The following HINFP variants were observed in gnomAD, a reference collection of about 807,000 sequenced individuals.
HINFP encodes the protein MBD2 (methyl-CpG-binding protein)-interacting zinc finger protein.
A neutral mutation model predicts 50.1 loss-of-function variants in HINFP; 20 were observed. The observed-to-expected ratio is 0.40, with a 90% confidence interval of 0.28 to 0.58. The LOEUF (loss-of-function observed/expected upper bound fraction) is 0.58, where lower values mean the gene tolerates loss of function less well. HINFP is among the 20% of genes least tolerant of loss of function. HINFP has a pLI of 0.45. For synonymous variants in HINFP, 247 were observed against 243.7 expected (o/e 1.01, Z -0.13); for missense variants, 505 against 664.1 (o/e 0.76, Z 2.63).
At chr11:119,129,490 C>CTTTTTTTTCTTTTTTTTTTTTT (rs776476604) in intron 2 of HINFP, among the ~76,000 whole-genome samples, 16 of 124,186 alleles carry the variant, frequency 1.3e-4, no homozygotes, top group African/African-American at 4.9e-4. Context: ...TTTTTCTTTT[C>CTTTTTTTTCTTTTTTTTTTTTT]TTTTTTTTTT....
At chr11:119,122,930 C>G (rs1185939729) in intron 1 of HINFP, among the ~76,000 whole-genome samples, 2 of 152,020 alleles carry the variant, frequency 1.3e-5, no homozygotes, top group African/African-American at 4.8e-5. Context: ...TGGGACCAGC[C>G]TGACCAACAT....
In HINFP at chr11:119,133,317, A is replaced by C. The variant is rs1947886381; in HGVS notation, c.1139+98A>C. 9.5e-6 allele frequency: 14 copies of C among 1,467,154 alleles called. No individual in the cohort carries two copies. The South Asian group carries it at 1.0e-4, about 11-fold the overall frequency. The allele number at this position is 1,467,154 out of a possible 1,614,324, so 90.9% of individuals were successfully genotyped here. On this transcript the variant is annotated intron_variant, in intron 9 of 9. Transcript: ENST00000350777. ...TAATTTGGGTCGGGCGCGGTGGCTC[A>C]CGCCTGTAATCCCAGCACTTTGGGA...
In HINFP at chr11:119,131,348, C is replaced by G; in HGVS notation, c.412-187C>G. ...AAGTGATTCTCCTGCCTCAGCCTCT[C>G]AAAGTGCTGGGATTACAGGGTTTAG... On this transcript the variant is annotated intron_variant, in intron 3 of 9. Coordinates refer to ENST00000350777, the MANE Select transcript of HINFP (RefSeq NM_198971.3). The surrounding 1 kb of genome is among the most constrained non-coding windows in gnomAD (Gnocchi z 4.2). 1.6e-6 allele frequency: 1 copy of G among 611,488 alleles called. No individual in the cohort carries two copies. 37.9% of individuals were successfully genotyped at this position (611,488 alleles called of 1,614,324 possible). A position where few individuals can be genotyped will look rare whatever the true frequency, so the allele number is the denominator to read the frequency against.
At chr11:119,129,126 C>T (rs1947597248) in intron 2 of HINFP, among the ~76,000 whole-genome samples, 2 of 152,008 alleles carry the variant, frequency 1.3e-5, no homozygotes, top group East Asian at 1.9e-4. Context: ...TTGCAACCTC[C>T]GCCTCCCGGG....
chr11:119,129,134 G>A (rs190104302), intron 2 of HINFP, among the ~76,000 whole-genome samples: 5 of 151,878 alleles, frequency 3.3e-5, no homozygotes, highest in East Asian at 3.9e-4. Context: ...TCCGCCTCCC[G>A]GGTTCAAGTG....
intron 2 of HINFP, chr11:119,127,375 A>G (rs1028005146): frequency 1.2e-5 from 4 of 337,970 alleles, no homozygotes; most frequent in African/African-American, 6.4e-5. Context: ...TGTTTTTGAC[A>G]TCTCTCTGCC....
chr11:119,128,739 G>C (rs1036953403), intron 2 of HINFP, among the ~76,000 whole-genome samples: 1 of 150,126 alleles, frequency 6.7e-6, no homozygotes. Flanking sequence ...TTGCTCTGTC[G>C]CCAGGCTGGA....
chr11:119,131,035 T>C lies in HINFP; in HGVS notation c.411+81T>C. Reference sequence around the variant, plus strand: ...ATGCCTTGTCCCTTTCAGGGATGCCTTATATTTCCAAGATTCCTGCTAGTA... The same window carrying C: ...ATGCCTTGTCCCTTTCAGGGATGCCCTATATTTCCAAGATTCCTGCTAGTA... On this transcript the variant is annotated intron_variant, in intron 3 of 9. Coordinates refer to ENST00000350777, the MANE Select transcript of HINFP (RefSeq NM_198971.3). This position sits in a 1 kb window ranked among gnomAD's most constrained non-coding sequence, Gnocchi z 4.2. The C allele has an allele frequency of 8.9e-7, 1 of 1,126,752 alleles. No homozygotes were observed. Among genetic ancestry groups the C allele is most frequent in the Non-Finnish European group, 1.3e-6 (1 of 741,288 alleles). 69.8% of individuals were successfully genotyped at this position (1,126,752 alleles called of 1,614,324 possible). A position where few individuals can be genotyped will look rare whatever the true frequency, so the allele number is the denominator to read the frequency against.
chr11:119,128,763 A>T (rs1444459873), intron 2 of HINFP, among the ~76,000 whole-genome samples: 1 of 150,908 alleles, frequency 6.6e-6, no homozygotes, highest in Non-Finnish European at 1.5e-5. Flanking sequence ...TGGTGGTGCG[A>T]TCTCAGCTCA....
At chr11:119,130,525 T>C in intron 2 of HINFP, 200 bp from the exon 3 acceptor site, 1 of 573,042 alleles carries the variant, frequency 1.7e-6, no homozygotes, top group East Asian at 2.9e-5. Context: ...GGGACACTTT[T>C]TACTTGTTAT....
chr11:119,132,787 G>GGGGACCA lies in HINFP; in HGVS notation c.875+15_875+21dup. 2 of 1,613,546 alleles carry GGGGACCA rather than the reference G, an allele frequency of 1.2e-6. No individual in the cohort carries two copies. The highest frequency in any genetic ancestry group is 4.5e-5 in the East Asian group (2 of 44,882). On this transcript the variant is annotated splice_region_variant and intron_variant, in intron 7 of 9. Transcript: ENST00000350777. ...TGTGACTGTTGTGACTACAGGTAAGGGGGACCAGGGACCAGAAAACAGCTC... is the reference window on the plus strand; with the variant it reads ...TGTGACTGTTGTGACTACAGGTAAGGGGGACCAGGGACCAGGGACCAGAAAACAGCTC...
intron 5 of HINFP, 72 bp downstream of exon 5, chr11:119,132,054 G>T: frequency 3.2e-6 from 5 of 1,563,584 alleles, no homozygotes; most frequent in African/African-American, 1.4e-5. Flanking sequence ...TGTTTCTAGT[G>T]GGGGTGGCCA....
intron 2 of HINFP, 72 bp from the exon 3 acceptor site, chr11:119,130,653 T>G (rs893205242): frequency 1.5e-6 from 2 of 1,351,612 alleles, no homozygotes. Context: ...ACTCTCTGTT[T>G]AGTGCTGCAG....
At position 119,133,012 on chromosome 11, in the gene HINFP, G is replaced by T; in HGVS notation, c.1014+10G>T. ...CCGCAAAGTACATGAAGTGAGTGGG[G>T]CTGGTGTTGGGAAGGACTAGTGGAA... is the stretch of plus-strand genomic sequence containing the variant. On this transcript the variant is annotated intron_variant, in intron 8 of 9. Transcript: ENST00000350777. The T allele has an allele frequency of 1.2e-6, 2 of 1,614,236 alleles. No homozygotes were observed. Among genetic ancestry groups the T allele is most frequent in the Non-Finnish European group, 1.7e-6 (2 of 1,180,048 alleles).
Position 119,134,611 on chromosome 11 carries a change from G to A in HINFP, c.*113G>A. On this transcript the variant is annotated 3_prime_UTR_variant, in exon 10 of 10. Transcript: ENST00000350777. This position sits in a 1 kb window ranked among gnomAD's most constrained non-coding sequence, Gnocchi z 4.3. ...TGGATGCCTTTAGGAGTGGTGCCGAGAGCAGTGTGGTCCACTCTGGCCTGG... is the reference window on the plus strand; with the variant it reads ...TGGATGCCTTTAGGAGTGGTGCCGAAAGCAGTGTGGTCCACTCTGGCCTGG... The A allele has an allele frequency of 1.3e-6, 1 of 779,516 alleles. No homozygotes were observed. The highest frequency in any genetic ancestry group is 2.0e-6 in the Non-Finnish European group (1 of 500,346). 48.3% of individuals were successfully genotyped at this position (779,516 alleles called of 1,614,324 possible).
intron 5 of HINFP, 152 bp from the exon 6 acceptor site, chr11:119,132,344 G>A (rs1229163142): frequency 2.9e-6 from 2 of 698,686 alleles, no homozygotes; most frequent in East Asian, 2.7e-5. Flanking sequence ...TAAGTCCCAT[G>A]CTCTTTCCAT....
At chr11:119,133,890 A>G in intron 9 of HINFP, 194 bp from the exon 10 acceptor site, 3 of 691,098 alleles carry the variant, frequency 4.3e-6, no homozygotes, top group Non-Finnish European at 7.2e-6. Flanking sequence ...AAAACTTTCC[A>G]TTTTGAGTAA....
Position 119,134,387 on chromosome 11 carries a change from T to G in HINFP, c.1443T>G (p.Tyr481Ter), listed in dbSNP as rs770396918. Reference sequence around the variant, plus strand: ...AAGGCCAGCAAGAGATCGTCTACTATGTGCTGTCTGAAGCCCCAGGGGAGC... The same window carrying G: ...AAGGCCAGCAAGAGATCGTCTACTAGGTGCTGTCTGAAGCCCCAGGGGAGC... ...NAQGQQEIVY[Y>*]VLSEAPGEPP... Residue 481 changes from tyrosine to a stop codon, truncating the protein, a stop_gained, in exon 10 of 10, where the codon TAT (tyrosine) becomes TAG (stop). Transcript: ENST00000350777. LOFTEE classifies it low-confidence loss of function (END_TRUNC). The surrounding 1 kb of genome is among the most constrained non-coding windows in gnomAD (Gnocchi z 4.3). 1 of 1,614,062 alleles carries G rather than the reference T, an allele frequency of 6.2e-7. No homozygotes were observed. Among genetic ancestry groups the G allele is most frequent in the Non-Finnish European group, 8.5e-7 (1 of 1,179,988 alleles).
intron 2 of HINFP, chr11:119,130,221 CG>C (rs1201020686): frequency 1.3e-5 from 2 of 152,878 alleles, no homozygotes; most frequent in African/African-American, 4.8e-5. Flanking sequence ...AGAGGACTTG[CG>C]TGCCGGCCAT....
Sources: allele counts gnomAD v4.1 joint callset (sites outside exome capture counted in the v4.1 genomes callset), GRCh38; gene constraint gnomAD v4.1.1; non-coding constraint Gnocchi (gnomAD v3.1); transcripts MANE v1.5; gene names NCBI Gene and HGNC (gene_info 2026-07-23, HGNC 2026-07-21).